Variants in GSK3B observed in about 807,000 individuals in gnomAD.
GSK3B encodes the protein glycogen synthase kinase-3 beta.
GSK3B carries 15 observed loss-of-function variants against 56.4 expected under a neutral mutation model. That is an observed-to-expected ratio of 0.27 (90% CI 0.18 to 0.41). GSK3B has a LOEUF of 0.41. GSK3B is among the 10% of genes least tolerant of loss of function. The pLI, the probability that GSK3B is intolerant of heterozygous loss-of-function variation, is 1.00. For synonymous variants in GSK3B, 181 were observed against 188.9 expected (o/e 0.96, Z 0.34); for missense variants, 300 against 513.4 (o/e 0.58, Z 4.02).
intron 8 of GSK3B, among the ~76,000 whole-genome samples, chr3:119,875,289 A>AAG (rs764291884): frequency 2.6e-5 from 4 of 151,150 alleles, no homozygotes; most frequent in East Asian, 1.9e-4. Flanking sequence ...ATATCTGATT[A>AAG]AGAGAGAGAG....
chr3:120,031,067 T>C (rs1026907553), intron 1 of GSK3B, among the ~76,000 whole-genome samples: 3 of 152,264 alleles, frequency 2.0e-5, no homozygotes, highest in African/African-American at 2.4e-5. Context: ...CAAGTCTTAC[T>C]GTAAAAGAGT....
At chr3:120,019,651 C>T (rs772104337) in intron 1 of GSK3B, among the ~76,000 whole-genome samples, 3 of 152,148 alleles carry the variant, frequency 2.0e-5, no homozygotes, top group Non-Finnish European at 4.4e-5. Flanking sequence ...AAAAAGATAG[C>T]ATTTCTGCTG....
chr3:119,895,299 T>C (rs1309986599), intron 7 of GSK3B, among the ~76,000 whole-genome samples: 1 of 152,126 alleles, frequency 6.6e-6, no homozygotes, highest in Non-Finnish European at 1.5e-5. Flanking sequence ...GTAGTGGATA[T>C]ATATATACCA....
At chr3:120,024,154 G>A (rs1005222585) in intron 1 of GSK3B, among the ~76,000 whole-genome samples, 2 of 151,894 alleles carry the variant, frequency 1.3e-5, no homozygotes, top group South Asian at 4.2e-4. Flanking sequence ...AATATAGTGA[G>A]ATACTGTCTC....
intron 6 of GSK3B, among the ~76,000 whole-genome samples, chr3:119,907,568 A>G (rs903304861): frequency 1.3e-5 from 2 of 152,172 alleles, no homozygotes; most frequent in Admixed American, 6.5e-5. Flanking sequence ...CTCCAGATAG[A>G]ATAAAACTTC....
chr3:120,009,534 G>A (rs2057760771), intron 1 of GSK3B, among the ~76,000 whole-genome samples: 1 of 152,120 alleles, frequency 6.6e-6, no homozygotes, highest in Non-Finnish European at 1.5e-5. Flanking sequence ...CCTTTGCAGG[G>A]ACATGGATGA....
At chr3:120,008,835 C>T (rs985024479) in intron 1 of GSK3B, among the ~76,000 whole-genome samples, 2 of 152,230 alleles carry the variant, frequency 1.3e-5, no homozygotes, top group Non-Finnish European at 2.9e-5. Context: ...AAAGCAATGG[C>T]AACAAAAGCC....
chr3:120,066,370 T>A (rs1209533615), intron 1 of GSK3B, among the ~76,000 whole-genome samples: 1 of 152,040 alleles, frequency 6.6e-6, no homozygotes, highest in Non-Finnish European at 1.5e-5. Flanking sequence ...ACTACTGAGG[T>A]TATATGGAAA....
intron 8 of GSK3B, among the ~76,000 whole-genome samples, chr3:119,875,213 G>A (rs747774739): frequency 4.0e-5 from 6 of 151,790 alleles, no homozygotes; most frequent in Non-Finnish European, 7.4e-5. Context: ...AATTAGTAAC[G>A]AGAATTTTCT....
At chr3:120,056,284 A>C (rs987555111) in intron 1 of GSK3B, among the ~76,000 whole-genome samples, 1 of 152,188 alleles carries the variant, frequency 6.6e-6, no homozygotes, top group African/African-American at 2.4e-5. Context: ...GATGTCTTTG[A>C]GGTTCTCAAC....
At chr3:119,950,876 G>A (rs1453474624) in intron 2 of GSK3B, among the ~76,000 whole-genome samples, 1 of 152,202 alleles carries the variant, frequency 6.6e-6, no homozygotes, top group Non-Finnish European at 1.5e-5. Flanking sequence ...CAATCAGTGA[G>A]GCAGTTTTCC....
At chr3:120,016,102 A>C (rs1032571793) in intron 1 of GSK3B, among the ~76,000 whole-genome samples, 1 of 152,186 alleles carries the variant, frequency 6.6e-6, no homozygotes, top group South Asian at 2.1e-4. Flanking sequence ...AGGAGACAAA[A>C]CTGAGATCTT....
intron 1 of GSK3B, among the ~76,000 whole-genome samples, chr3:120,008,974 C>A (rs2057754058): frequency 6.6e-6 from 1 of 151,700 alleles, no homozygotes; most frequent in Non-Finnish European, 1.5e-5. Context: ...AAAGAACTTA[C>A]ACAAATTCAC....
chr3:119,938,804 A>G (rs566203249), intron 3 of GSK3B, among the ~76,000 whole-genome samples: 78 of 152,186 alleles, frequency 5.1e-4, no homozygotes, highest in African/African-American at 1.9e-3. Flanking sequence ...TCAAAAAACA[A>G]AAGTTAATAT....
intron 2 of GSK3B, among the ~76,000 whole-genome samples, chr3:119,957,767 C>T (rs560451987): frequency 6.6e-6 from 1 of 152,274 alleles, no homozygotes; most frequent in African/African-American, 2.4e-5. Flanking sequence ...AATTTGGTAG[C>T]AAACAGCACA....
rs573903125 is a variant in GSK3B, at chr3:119,965,038, CTTTTTTTTTTTT to C, written c.283-17699_283-17688del. 4.6e-3 allele frequency among the ~76,000 whole-genome samples: 575 copies of C among 125,656 alleles called. 2 individuals carry two copies. Among genetic ancestry groups the C allele is most frequent in the Non-Finnish European group, 7.6e-3 (451 of 59,082 alleles). 82.4% of individuals were successfully genotyped at this position (125,656 alleles called of 152,430 possible). A position where few individuals can be genotyped will look rare whatever the true frequency, so the allele number is the denominator to read the frequency against. ...ATAGGTTTTTGTAATATTATGTTTT[CTTTTTTTTTTTT>C]TTTTTTTAATTTTTTTTTGAGACAG... On this transcript the variant is annotated intron_variant, in intron 2 of 10. Transcript: ENST00000264235.
rs1308355582 is a variant in GSK3B, at chr3:120,035,981, G to T, written c.89-33742C>A. ...CTTTTACTTCTTTTCCTGCCTAATT[G>T]CTCTGGCTAGAAACTCTAGTACAAT... On this transcript the variant is annotated intron_variant, in intron 1 of 10. Coordinates refer to ENST00000264235, the MANE Select transcript of GSK3B (RefSeq NM_001146156.2). 2.0e-5 allele frequency among the ~76,000 whole-genome samples: 3 copies of T among 152,072 alleles called. No individual in the cohort carries two copies. In the East Asian group the frequency reaches 5.8e-4, roughly 29 times the overall value.
At chr3:119,899,666 C>T (rs770080665) in intron 7 of GSK3B, among the ~76,000 whole-genome samples, 2 of 152,116 alleles carry the variant, frequency 1.3e-5, no homozygotes. Flanking sequence ...CTCTCAACTT[C>T]TGTAGAACTG....
At chr3:119,989,683 T>C (rs1477094359) in intron 2 of GSK3B, among the ~76,000 whole-genome samples, 1 of 150,942 alleles carries the variant, frequency 6.6e-6, no homozygotes. Flanking sequence ...TAAGGAAATA[T>C]CTAAACAACC....
Sources: allele counts gnomAD v4.1 joint callset (sites outside exome capture counted in the v4.1 genomes callset), GRCh38; gene constraint gnomAD v4.1.1; transcripts MANE v1.5; gene names NCBI Gene and HGNC (gene_info 2026-07-23, HGNC 2026-07-21).